BCAR3: variants seen among roughly 807,000 people sequenced by gnomAD.
The protein encoded by BCAR3 is breast cancer anti-estrogen resistance protein 3.
Under a neutral mutation model 80.1 loss-of-function variants are expected in BCAR3, and 37 were observed. The ratio of observed to expected loss-of-function variants is 0.46; its 90% CI spans 0.36 to 0.61. The LOEUF (loss-of-function observed/expected upper bound fraction) is 0.61, where lower values mean the gene tolerates loss of function less well. BCAR3 is among the 20% of genes least tolerant of loss of function. BCAR3 has a pLI of 0.00. For synonymous variants in BCAR3, 389 were observed against 418.9 expected (o/e 0.93, Z 0.87); for missense variants, 978 against 1,068.2 (o/e 0.92, Z 1.18).
chr1:93,587,329 G>A (rs1286833789), intron 5 of BCAR3, among the ~76,000 whole-genome samples: 1 of 152,176 alleles, frequency 6.6e-6, no homozygotes, highest in Non-Finnish European at 1.5e-5. Context: ...CTGGGTCTGA[G>A]TCTGACATTC....
intron 2 of BCAR3, among the ~76,000 whole-genome samples, chr1:93,721,093 T>C (rs919076187): frequency 1.3e-5 from 2 of 152,132 alleles, no homozygotes; most frequent in African/African-American, 4.8e-5. Context: ...CTGGGCACTT[T>C]AGAAGTTCAG....
chr1:93,797,871 C>T (rs1045560240), intron 2 of BCAR3, among the ~76,000 whole-genome samples: 3 of 152,164 alleles, frequency 2.0e-5, no homozygotes, highest in African/African-American at 4.8e-5. Flanking sequence ...AATTCTTCAA[C>T]CCAATGAGAG....
chr1:93,658,230 C>T (rs938883645), intron 2 of BCAR3, among the ~76,000 whole-genome samples: 5 of 152,128 alleles, frequency 3.3e-5, no homozygotes, highest in Admixed American at 6.5e-5. Context: ...TGAGCCACCG[C>T]GCCCAGTCCG....
intron 3 of BCAR3, among the ~76,000 whole-genome samples, chr1:93,686,928 G>T (rs1648994769): frequency 6.6e-6 from 1 of 152,144 alleles, no homozygotes; most frequent in East Asian, 1.9e-4. Flanking sequence ...CTATTCCCTA[G>T]GAAACCTTCC....
intron 2 of BCAR3, among the ~76,000 whole-genome samples, chr1:93,647,187 T>C (rs1416981785): frequency 6.6e-6 from 1 of 152,178 alleles, no homozygotes; most frequent in African/African-American, 2.4e-5. Context: ...GTATTTTTGG[T>C]AAAGAAGGTA....
At chr1:93,654,231 G>A (rs942291985) in intron 2 of BCAR3, among the ~76,000 whole-genome samples, 6 of 152,300 alleles carry the variant, frequency 3.9e-5, no homozygotes, top group Admixed American at 2.6e-4. Flanking sequence ...GGAATTAAGG[G>A]CTGAAGTCAG....
chr1:93,651,912 G>A (rs978359221), intron 2 of BCAR3, among the ~76,000 whole-genome samples: 5 of 152,146 alleles, frequency 3.3e-5, no homozygotes, highest in Non-Finnish European at 2.9e-5. Flanking sequence ...CATCCACACC[G>A]GGTTCCCCAT....
chr1:93,823,743 C>A (rs927246656), intron 2 of BCAR3, among the ~76,000 whole-genome samples: 1 of 134,464 alleles, frequency 7.4e-6, no homozygotes, highest in African/African-American at 2.5e-5. Context: ...GCTCTGTGGC[C>A]AGGCTGGGTG....
Position 93,835,731 on chromosome 1 carries a change from G to A in BCAR3, c.-63+9836C>T, listed in dbSNP as rs563782101. 9.8e-4 allele frequency among the ~76,000 whole-genome samples: 149 copies of A among 152,200 alleles called. 1 individual carries two copies. The highest frequency in any genetic ancestry group is 3.4e-3 in the African/African-American group (142 of 41,506). On this transcript the variant is annotated intron_variant, in intron 2 of 13. Coordinates refer to the BCAR3 transcript ENST00000370244. The stretch of plus-strand genomic sequence containing the variant: ...ACCCCCTCCCTTCCCTACACATCAA[G>A]CTCAGGGATTTGCCCCTGCCCAGGA...
At chr1:93,596,139 GC>G (rs1674412115) in intron 3 of BCAR3, among the ~76,000 whole-genome samples, 2 of 152,170 alleles carry the variant, frequency 1.3e-5, no homozygotes, top group African/African-American at 4.8e-5. Flanking sequence ...TTCTACGAAT[GC>G]CCTAAGAATC....
chr1:93,819,276 G>C (rs1012538482), intron 2 of BCAR3, among the ~76,000 whole-genome samples: 1 of 152,208 alleles, frequency 6.6e-6, no homozygotes, highest in African/African-American at 2.4e-5. Flanking sequence ...ACGTTGGCCA[G>C]GATGGTCTCA....
At chr1:93,579,157 G>A (rs1410304168) in intron 7 of BCAR3, among the ~76,000 whole-genome samples, 1 of 152,196 alleles carries the variant, frequency 6.6e-6, no homozygotes, top group Non-Finnish European at 1.5e-5. Context: ...TGTCCTGATG[G>A]CCTATCTGGG....
At chr1:93,812,917 G>C (rs754537146) in intron 2 of BCAR3, among the ~76,000 whole-genome samples, 2 of 152,038 alleles carry the variant, frequency 1.3e-5, no homozygotes, top group African/African-American at 4.8e-5. Context: ...CATCTCCATC[G>C]GCTTTTTCTA....
At chr1:93,593,707 A>G (rs1446299359) in intron 3 of BCAR3, among the ~76,000 whole-genome samples, 1 of 151,158 alleles carries the variant, frequency 6.6e-6, no homozygotes, top group African/African-American at 2.5e-5. Flanking sequence ...GCAAAGAAAT[A>G]GCTCCAAATC....
chr1:93,797,266 C>T (rs1653310718), intron 2 of BCAR3, among the ~76,000 whole-genome samples: 1 of 152,196 alleles, frequency 6.6e-6, no homozygotes, highest in South Asian at 2.1e-4. Flanking sequence ...CATGCAGCTT[C>T]TCAACCCTCA....
intron 2 of BCAR3, among the ~76,000 whole-genome samples, chr1:93,809,216 G>C (rs917240745): frequency 6.6e-6 from 1 of 152,144 alleles, no homozygotes; most frequent in African/African-American, 2.4e-5. Flanking sequence ...ATATTTAGAA[G>C]GATGGGGAGG....
intron 2 of BCAR3, among the ~76,000 whole-genome samples, chr1:93,665,682 C>G (rs1446958769): frequency 6.6e-6 from 1 of 152,182 alleles, no homozygotes; most frequent in Non-Finnish European, 1.5e-5. Flanking sequence ...GCTCCAGGCT[C>G]ATAATTCCAA....
At chr1:93,814,387 A>G (rs1653948471) in intron 2 of BCAR3, among the ~76,000 whole-genome samples, 1 of 152,126 alleles carries the variant, frequency 6.6e-6, no homozygotes, top group African/African-American at 2.4e-5. Flanking sequence ...ATCTCACAGG[A>G]TGGTTGAGGG....
chr1:93,615,861 GC>G (rs1232622153), intron 3 of BCAR3, among the ~76,000 whole-genome samples: 1 of 152,038 alleles, frequency 6.6e-6, no homozygotes, highest in Non-Finnish European at 1.5e-5. Flanking sequence ...ATTCCTTCAA[GC>G]TAAAAACCTC....
Sources: allele counts gnomAD v4.1 joint callset (sites outside exome capture counted in the v4.1 genomes callset), GRCh38; gene constraint gnomAD v4.1.1; transcripts MANE v1.5; gene names NCBI Gene and HGNC (gene_info 2026-07-23, HGNC 2026-07-21).